The following PRR16 variants were observed in gnomAD, a reference collection of about 807,000 sequenced individuals.
PRR16 encodes protein Largen.
In PRR16, 6 loss-of-function variants were observed where a neutral mutation model predicts 18.2. The ratio of observed to expected loss-of-function variants is 0.33; its 90% confidence interval spans 0.18 to 0.65. The LOEUF (loss-of-function observed/expected upper bound fraction) is 0.65, where lower values mean the gene tolerates loss of function less well. Among genes scored for constraint, PRR16 ranks in the 30% least tolerant of loss-of-function variants. The pLI, the probability that PRR16 is intolerant of heterozygous loss-of-function variation, is 0.74. For missense variants in PRR16, 412 were observed against 376.6 expected, an observed-to-expected ratio of 1.09 and a Z score of -0.78; for synonymous variants, 151 against 147.8, an observed-to-expected ratio of 1.02 and a Z score of -0.16.
At chr5:120,763,090 A>G in the PRR16 span, among the ~76,000 whole-genome samples, 53 of 152,074 alleles carry the variant, frequency 3.5e-4, no homozygotes, top group African/African-American at 1.2e-3. Flanking sequence ...GGCTGTAAAT[A>G]TGTGGATTTG....
At chr5:120,711,128 A>T in the PRR16 span, among the ~76,000 whole-genome samples, 4 of 152,250 alleles carry the variant, frequency 2.6e-5, no homozygotes, top group East Asian at 7.7e-4. Flanking sequence ...TCACTGGATA[A>T]TGCAGAAAAA....
chr5:120,776,664 T>C, the PRR16 span, among the ~76,000 whole-genome samples: 1 of 149,690 alleles, frequency 6.7e-6, no homozygotes, highest in African/African-American at 2.5e-5. Flanking sequence ...TAAAATCATT[T>C]ATTTCAAAAC....
the PRR16 span, among the ~76,000 whole-genome samples, chr5:120,744,434 G>C: frequency 6.6e-6 from 1 of 152,178 alleles, no homozygotes; most frequent in African/African-American, 2.4e-5. Flanking sequence ...TTAGTTCTGG[G>C]TGTTACCTGA....
the PRR16 span, among the ~76,000 whole-genome samples, chr5:120,730,193 G>A: frequency 1.3e-5 from 2 of 152,248 alleles, no homozygotes; most frequent in African/African-American, 4.8e-5. Context: ...TGGTGTAGGA[G>A]AATGGTATGA....
the PRR16 span, among the ~76,000 whole-genome samples, chr5:120,737,196 T>G: frequency 6.6e-6 from 1 of 152,182 alleles, no homozygotes; most frequent in South Asian, 2.1e-4. Context: ...TAGTCCTGAC[T>G]GATTGGGAGA....
intron 1 of PRR16, among the ~76,000 whole-genome samples, chr5:120,661,494 C>T (rs1386782064): frequency 6.6e-6 from 1 of 151,966 alleles, no homozygotes; most frequent in African/African-American, 2.4e-5. Context: ...AGAAATTAGC[C>T]TCTTGAATAC....
the PRR16 span, among the ~76,000 whole-genome samples, chr5:120,742,722 CA>C: frequency 6.6e-6 from 1 of 152,120 alleles, no homozygotes; most frequent in African/African-American, 2.4e-5. Flanking sequence ...TGGCTTAAAA[CA>C]ATATAAATAA....
At chr5:120,720,095 T>G in the PRR16 span, among the ~76,000 whole-genome samples, 4 of 151,968 alleles carry the variant, frequency 2.6e-5, no homozygotes, top group Non-Finnish European at 5.9e-5. Context: ...ATATTTCATT[T>G]TGTCAACTGG....
At chr5:120,559,495 A>G (rs1483133250) in intron 1 of PRR16, among the ~76,000 whole-genome samples, 1 of 151,800 alleles carries the variant, frequency 6.6e-6, no homozygotes, top group Non-Finnish European at 1.5e-5. Flanking sequence ...TGGGGTCTCT[A>G]TTCTGTTTCT....
the PRR16 span, among the ~76,000 whole-genome samples, chr5:120,735,362 T>C: frequency 1.3e-5 from 2 of 152,318 alleles, no homozygotes; most frequent in South Asian, 2.1e-4. Flanking sequence ...CTTTCAATAC[T>C]TTTGGATATA....
the PRR16 span, among the ~76,000 whole-genome samples, chr5:120,711,398 A>G: frequency 6.6e-6 from 1 of 152,106 alleles, no homozygotes; most frequent in Non-Finnish European, 1.5e-5. Context: ...GTGATTAACT[A>G]TTGGTTGGAT....
chr5:120,783,759 T>C, the PRR16 span, among the ~76,000 whole-genome samples: 2 of 152,120 alleles, frequency 1.3e-5, no homozygotes, highest in African/African-American at 4.8e-5. Flanking sequence ...AAATATACAA[T>C]AATTTATTGT....
At chr5:120,496,259 G>C (rs1214798817) in intron 1 of PRR16, among the ~76,000 whole-genome samples, 2 of 151,870 alleles carry the variant, frequency 1.3e-5, no homozygotes, top group Non-Finnish European at 2.9e-5. Flanking sequence ...CTATTTTCTA[G>C]AAAATATTGT....
chr5:120,630,800 G>T (rs1300067612), intron 1 of PRR16, among the ~76,000 whole-genome samples: 1 of 151,986 alleles, frequency 6.6e-6, no homozygotes, highest in Admixed American at 6.6e-5. Flanking sequence ...CCCAACAAAG[G>T]TTTATTTCCA....
chr5:120,654,723 T>C (rs1755907632), intron 1 of PRR16, among the ~76,000 whole-genome samples: 1 of 151,838 alleles, frequency 6.6e-6, no homozygotes. Context: ...TATGAAAATA[T>C]GTAATAAAAA....
intron 1 of PRR16, among the ~76,000 whole-genome samples, chr5:120,641,012 C>CCTA (rs1341098662): frequency 6.6e-6 from 1 of 151,954 alleles, no homozygotes; most frequent in Non-Finnish European, 1.5e-5. Context: ...GATTGTAAGG[C>CCTA]CTAGGCCTTG....
At chr5:120,754,462 G>GTATATATTATATAA in the PRR16 span, among the ~76,000 whole-genome samples, 10 of 53,984 alleles carry the variant, frequency 1.9e-4, no homozygotes, top group East Asian at 9.5e-4. Context: ...ATAATATATA[G>GTATATATTATATAA]TATATAGTAT....
intron 1 of PRR16, among the ~76,000 whole-genome samples, chr5:120,647,492 T>A (rs1755639431): frequency 1.3e-5 from 2 of 152,072 alleles, no homozygotes; most frequent in South Asian, 4.1e-4. Context: ...TAATCACATA[T>A]AACAAAAAGT....
In PRR16 at chr5:120,591,707, C is replaced by G. The variant is rs563952266; in HGVS notation, c.160-94247C>G. On this transcript the variant is annotated intron_variant, in intron 1 of 1. Transcript: ENST00000407149. The stretch of plus-strand genomic sequence containing the variant: ...TGTTTTCTCAGAACTAACCTCATAG[C>G]CTGTGTTGGACATATAAGTAGCCTT... Among the ~76,000 whole-genome samples the G allele has an allele frequency of 2.0e-5, 3 of 152,020 alleles. No individual in the cohort carries two copies. In the East Asian group the frequency reaches 5.8e-4, roughly 29 times the overall value.
Sources: allele counts gnomAD v4.1 joint callset (sites outside exome capture counted in the v4.1 genomes callset), GRCh38; gene constraint gnomAD v4.1.1; transcripts MANE v1.5; gene names NCBI Gene and HGNC (gene_info 2026-07-23, HGNC 2026-07-21).